Variants in TOMM7 observed in about 807,000 individuals in gnomAD.
TOMM7 encodes the protein translocase of outer mitochondrial membrane 7.
A neutral mutation model predicts 9.5 loss-of-function variants in TOMM7; 8 were observed. That is an observed-to-expected ratio of 0.84 (90% CI 0.49 to 1.51). The LOEUF (loss-of-function observed/expected upper bound fraction) is 1.51. Ranked by LOEUF, TOMM7 falls within the 40% of genes most tolerant of loss-of-function variation. TOMM7 has a pLI of 0.00. For synonymous variants in TOMM7, 27 were observed against 21.4 expected, an observed-to-expected ratio of 1.26 and a Z score of -0.72; for missense variants, 74 against 63.7, an observed-to-expected ratio of 1.16 and a Z score of -0.55.
At chr7:22,816,658 T>C (rs1782320783) in intron 2 of TOMM7, among the ~76,000 whole-genome samples, 1 of 152,202 alleles carries the variant, frequency 6.6e-6, no homozygotes, top group African/African-American at 2.4e-5. Context: ...AAAGCACATA[T>C]TGTAGTACCC....
intron 2 of TOMM7, among the ~76,000 whole-genome samples, chr7:22,815,084 G>C (rs1562672064): frequency 6.6e-6 from 1 of 152,094 alleles, no homozygotes; most frequent in Non-Finnish European, 1.5e-5. Flanking sequence ...AAACACAAAT[G>C]CCTCTGGAGG....
At chr7:22,818,469 CAG>C (rs1782345121) in intron 1 of TOMM7, 1 of 157,542 alleles carries the variant, frequency 6.3e-6, no homozygotes, top group South Asian at 1.9e-4. Flanking sequence ...TTAGTAGAGA[CAG>C]AGTCTCACCA....
At chr7:22,819,425 T>C (rs956928015) in intron 1 of TOMM7, among the ~76,000 whole-genome samples, 1 of 151,992 alleles carries the variant, frequency 6.6e-6, no homozygotes, top group Admixed American at 6.6e-5. Context: ...TGGAGTGTAG[T>C]GGCACGATCT....
chr7:22,817,844 G>C lies in TOMM7; in HGVS notation c.152+156C>G, dbSNP rs1782336220. Reference sequence around the variant, plus strand: ...GTACAGTAAATACAAATTAGGAGGGGGAAGAGAAAGTAGTTGCAGTTTTCC... The same window carrying C: ...GTACAGTAAATACAAATTAGGAGGGCGAAGAGAAAGTAGTTGCAGTTTTCC... On this transcript the variant is annotated intron_variant, in intron 2 of 2. Coordinates refer to ENST00000358435, the MANE Select transcript of TOMM7 (RefSeq NM_019059.5). 3 of 608,996 alleles carry C rather than the reference G, an allele frequency of 4.9e-6. No homozygotes were observed. In the East Asian group the frequency reaches 8.5e-5, roughly 17 times the overall value. 37.7% of individuals were successfully genotyped at this position (608,996 alleles called of 1,614,324 possible).
chr7:22,822,307 T>C (rs1782404412), intron 1 of TOMM7: 2 of 1,533,948 alleles, frequency 1.3e-6, no homozygotes, highest in Admixed American at 4.1e-5. Flanking sequence ...TCTTTCCACT[T>C]AGGACCACAT....
Position 22,813,124 on chromosome 7 carries a change from A to G in TOMM7, c.*46T>C. The G allele has an allele frequency of 6.2e-7, 1 of 1,609,410 alleles. No homozygotes were observed. Among genetic ancestry groups the G allele is most frequent in the African/African-American group, 1.3e-5 (1 of 74,952 alleles). On this transcript the variant is annotated 3_prime_UTR_variant, in exon 3 of 3. Coordinates refer to ENST00000358435, the MANE Select transcript of TOMM7 (RefSeq NM_019059.5). ...ATCCGAGCCAGAGCACACATCTTCC[A>G]TGCTGTCCGCTGATTGCCTCCAAAT...
At chr7:22,818,550 G>A (rs1259891806) in intron 1 of TOMM7, among the ~76,000 whole-genome samples, 2 of 152,120 alleles carry the variant, frequency 1.3e-5, no homozygotes, top group African/African-American at 4.8e-5. Flanking sequence ...CAAAGTGCTG[G>A]GATTACAGGT....
rs1316614437 is a variant in TOMM7, at chr7:22,822,727, C to G, written c.53G>C (p.Gly18Ala). ...GCCCCAGCGAATGGCAAACTGGCTC[C>G]CCTTGAAGAGCTGCTGTAGTCTCTG... is the stretch of plus-strand genomic sequence containing the variant. ...AKQRLQQLFKGSQFAIRWGFI... is the reference protein window; with the variant it reads ...AKQRLQQLFKASQFAIRWGFI... Residue 18 changes from glycine (G) to alanine (A), a missense_variant, in exon 1 of 3, where the codon GGG (glycine) becomes GCG (alanine). Transcript: ENST00000358435. The G allele has an allele frequency of 6.2e-7, 1 of 1,614,194 alleles. No homozygotes were observed. The highest frequency in any genetic ancestry group is 1.3e-5 in the African/African-American group (1 of 75,034).
intron 2 of TOMM7, among the ~76,000 whole-genome samples, chr7:22,814,103 G>A (rs538668704): frequency 6.6e-6 from 1 of 150,550 alleles, no homozygotes; most frequent in South Asian, 2.1e-4. Context: ...TGGAGGCTGA[G>A]GTGGGTGGAT....
At chr7:22,814,083 C>T (rs1227359036) in intron 2 of TOMM7, among the ~76,000 whole-genome samples, 1 of 150,472 alleles carries the variant, frequency 6.6e-6, no homozygotes, top group Non-Finnish European at 1.5e-5. Flanking sequence ...TGCCTGTAAT[C>T]CCAGTACTTT....
At chr7:22,822,475 G>A in intron 1 of TOMM7, 4 of 701,508 alleles carry the variant, frequency 5.7e-6, no homozygotes, top group Non-Finnish European at 9.5e-6. Flanking sequence ...TTGCAAGACT[G>A]CTTAAAGACC....
At chr7:22,821,035 A>C (rs1782381121) in intron 1 of TOMM7, among the ~76,000 whole-genome samples, 1 of 152,176 alleles carries the variant, frequency 6.6e-6, no homozygotes, top group Non-Finnish European at 1.5e-5. Flanking sequence ...TTGTCAAACT[A>C]TATGCTCAAA....
intron 1 of TOMM7, among the ~76,000 whole-genome samples, chr7:22,821,053 A>T (rs538597112): frequency 6.8e-4 from 104 of 152,314 alleles, no homozygotes; most frequent in African/African-American, 2.3e-3. Context: ...AAACTGACAC[A>T]GCTGGGATGA....
At chr7:22,815,718 C>T (rs777216497) in intron 2 of TOMM7, among the ~76,000 whole-genome samples, 1 of 152,040 alleles carries the variant, frequency 6.6e-6, no homozygotes, top group Non-Finnish European at 1.5e-5. Context: ...TGCAGTGGCC[C>T]ATGCCTATAA....
intron 2 of TOMM7, among the ~76,000 whole-genome samples, chr7:22,813,998 C>A (rs1447795761): frequency 6.7e-6 from 1 of 149,278 alleles, no homozygotes; most frequent in African/African-American, 2.5e-5. Context: ...GTATTAAAAT[C>A]GCCTCTTAAA....
At chr7:22,821,666 C>T (rs1222145650) in intron 1 of TOMM7, among the ~76,000 whole-genome samples, 3 of 151,782 alleles carry the variant, frequency 2.0e-5, no homozygotes, top group Non-Finnish European at 4.4e-5. Context: ...GGAAGGATCG[C>T]TTGATCCCGA....
chr7:22,815,368 C>T (rs945515980), intron 2 of TOMM7, among the ~76,000 whole-genome samples: 2 of 151,932 alleles, frequency 1.3e-5, no homozygotes, highest in Admixed American at 1.3e-4. Flanking sequence ...AAAATTTGTA[C>T]AAGATGCAAT....
chr7:22,822,795 G>T lies in TOMM7; in HGVS notation c.-16C>A. 6.2e-7 allele frequency: 1 copy of T among 1,606,034 alleles called. No individual in the cohort carries two copies. The highest frequency in any genetic ancestry group is 1.3e-5 in the African/African-American group (1 of 74,880). ...GCTTCACCATGGCGACGGCCGTGTG[G>T]CGCAGGGAGGACCCCTTACAGCAAC... On this transcript the variant is annotated 5_prime_UTR_variant, in exon 1 of 3. Coordinates refer to ENST00000358435, the MANE Select transcript of TOMM7 (RefSeq NM_019059.5).
rs866322083 is a variant in TOMM7, at chr7:22,817,879, A to T, written c.152+121T>A. On this transcript the variant is annotated intron_variant, in intron 2 of 2. Coordinates refer to ENST00000358435, the MANE Select transcript of TOMM7 (RefSeq NM_019059.5). ...GTAGTTGCAGTTTTCCAATAGCCCA[A>T]AACTATACTGACTGATAAAGCTCCA... 1.6e-5 allele frequency: 15 copies of T among 944,230 alleles called. No homozygotes were observed. In the South Asian group the frequency reaches 2.4e-4, roughly 15 times the overall value. 58.5% of individuals were successfully genotyped at this position (944,230 alleles called of 1,614,324 possible).
Sources: gnomAD v4.1 joint callset for allele counts (sites outside exome capture counted in the v4.1 genomes callset) on GRCh38, gnomAD v4.1.1 for gene constraint, MANE v1.5 for transcripts, NCBI Gene and HGNC (gene_info 2026-07-23, HGNC 2026-07-21) for gene names.